SANBR: variants seen among roughly 807,000 people sequenced by gnomAD.
SANBR encodes SANT and BTB domain regulator of CSR.
In SANBR, 77 loss-of-function variants were observed where a neutral mutation model predicts 101.8. That is an observed-to-expected ratio of 0.76 (90% CI 0.63 to 0.91). The LOEUF (loss-of-function observed/expected upper bound fraction) is 0.91, where lower values mean the gene tolerates loss of function less well. Ranked by LOEUF, SANBR falls within the 40% of genes least tolerant of loss-of-function variation. The probability of loss-of-function intolerance (pLI) is 0.00; values close to 1 mark genes in which losing one functional copy is unlikely to be tolerated. For synonymous variants in SANBR, 279 were observed against 274.7 expected (o/e 1.02, Z -0.15); for missense variants, 875 against 853.0 (o/e 1.03, Z -0.32).
Position 61,107,049 on chromosome 2 carries a change from C to A in SANBR, c.1611+387C>A, listed in dbSNP as rs555598097. On this transcript the variant is annotated intron_variant, in intron 14 of 21. Coordinates refer to ENST00000402291, the MANE Select transcript of SANBR (RefSeq NM_001129993.3). ...AAGTGTGGTGCCTTGTGCCTGTAGT[C>A]CAAGTTTTGCTGGGAGGCTGAGGTG... Among the ~76,000 whole-genome samples the A allele has an allele frequency of 4.0e-4, 61 of 151,826 alleles. 1 individual carries two copies. The highest frequency in any genetic ancestry group is 1.4e-3 in the African/African-American group (60 of 41,418).
At chr2:61,117,677 G>C in intron 19 of SANBR, 137 bp downstream of exon 19, 1 of 713,084 alleles carries the variant, frequency 1.4e-6, no homozygotes, top group Non-Finnish European at 2.4e-6. Context: ...TATTCCCTTA[G>C]GCAACAACCA....
intron 1 of SANBR, among the ~76,000 whole-genome samples, chr2:61,066,744 T>C (rs1334290902): frequency 6.6e-6 from 1 of 152,228 alleles, no homozygotes; most frequent in African/African-American, 2.4e-5. Context: ...GAAAAAAATA[T>C]ATCAGATTCC....
In SANBR at chr2:61,099,502, C is replaced by T. The variant is rs181576301; in HGVS notation, c.1365+1650C>T. On this transcript the variant is annotated intron_variant, in intron 12 of 21. Coordinates refer to ENST00000402291, the MANE Select transcript of SANBR (RefSeq NM_001129993.3). ...CATTCACTGAAGAGGAAGCAGCAGA[C>T]GGAAATCAGGTTTCGAGGGAGACTC... 1.9e-3 allele frequency among the ~76,000 whole-genome samples: 287 copies of T among 152,220 alleles called. 9 individuals carry two copies. Among genetic ancestry groups the T allele is most frequent in the Admixed American group, 1.3e-3 (20 of 15,274 alleles).
At position 61,111,086 on chromosome 2, in the gene SANBR, C is replaced by G. The variant is rs956028014; in HGVS notation, c.1744+1790C>G. Reference sequence around the variant, plus strand: ...TTGAGTAGGCATGTTAAACAACCCTCCAATGACATTGAAAAAACATGCTGC... The same window carrying G: ...TTGAGTAGGCATGTTAAACAACCCTGCAATGACATTGAAAAAACATGCTGC... On this transcript the variant is annotated intron_variant, in intron 16 of 21. Coordinates refer to ENST00000402291, the MANE Select transcript of SANBR (RefSeq NM_001129993.3). Among the ~76,000 whole-genome samples the G allele has an allele frequency of 3.9e-5, 6 of 152,082 alleles. No individual in the cohort carries two copies. In the East Asian group the frequency reaches 1.2e-3, roughly 29 times the overall value.
chr2:61,088,494 T>A (rs551175457), intron 10 of SANBR, 26 bp downstream of exon 10: 7 of 1,310,626 alleles, frequency 5.3e-6, no homozygotes, highest in Non-Finnish European at 7.4e-6. Flanking sequence ...AATACATACA[T>A]GTATTTTTGT....
rs1684154254 is a variant in SANBR, at chr2:61,117,975, A to T, written c.1940-53A>T. ...GATTACAGTCTTTTTGAGAAATAAA[A>T]AGTTATATATCATCCTTATGAAAAG... is the stretch of plus-strand genomic sequence containing the variant. On this transcript the variant is annotated intron_variant, in intron 19 of 21. Transcript: ENST00000402291. 8.9e-6 allele frequency: 12 copies of T among 1,343,258 alleles called. No individual in the cohort carries two copies. In the South Asian group the frequency reaches 1.5e-4, roughly 17 times the overall value. 83.2% of individuals were successfully genotyped at this position (1,343,258 alleles called of 1,614,324 possible).
At chr2:61,094,743 A>G (rs1248509977) in intron 11 of SANBR, among the ~76,000 whole-genome samples, 1 of 147,096 alleles carries the variant, frequency 6.8e-6, no homozygotes, top group East Asian at 2.0e-4. Flanking sequence ...TCCCAGGTTC[A>G]AGCGATTCTC....
At chr2:61,079,037 TA>T (rs538451616) in intron 6 of SANBR, among the ~76,000 whole-genome samples, 8 of 147,128 alleles carry the variant, frequency 5.4e-5, no homozygotes, top group Non-Finnish European at 9.0e-5. Flanking sequence ...AGACCCTTTC[TA>T]AAAAAAAAAG....
At chr2:61,120,455 G>A (rs963419616) in intron 20 of SANBR, among the ~76,000 whole-genome samples, 5 of 152,168 alleles carry the variant, frequency 3.3e-5, no homozygotes, top group Non-Finnish European at 4.4e-5. Flanking sequence ...AGCCAAGATC[G>A]TGCCACTGCA....
At chr2:61,067,880 C>G (rs1001565880) in intron 1 of SANBR, among the ~76,000 whole-genome samples, 1 of 152,180 alleles carries the variant, frequency 6.6e-6, no homozygotes, top group Non-Finnish European at 1.5e-5. Flanking sequence ...TTCAAGGATT[C>G]AAAACTAAAT....
intron 8 of SANBR, among the ~76,000 whole-genome samples, chr2:61,085,905 G>T (rs958527468): frequency 2.0e-5 from 3 of 152,102 alleles, no homozygotes; most frequent in African/African-American, 7.2e-5. Context: ...TTGTAGTGTT[G>T]TCTATTAAGT....
intron 16 of SANBR, among the ~76,000 whole-genome samples, chr2:61,111,341 C>T (rs927369545): frequency 6.6e-6 from 1 of 152,178 alleles, no homozygotes; most frequent in Admixed American, 6.5e-5. Flanking sequence ...TGCAGTGAGC[C>T]GAGATTGTGC....
chr2:61,106,488 G>A (rs1032458531), intron 13 of SANBR, 75 bp from the exon 14 acceptor site: 5 of 864,988 alleles, frequency 5.8e-6, no homozygotes, highest in African/African-American at 1.8e-5. Flanking sequence ...TGAAACATTT[G>A]TAATAAAAAG....
At chr2:61,100,366 A>G (rs1377127605) in intron 12 of SANBR, among the ~76,000 whole-genome samples, 3 of 152,166 alleles carry the variant, frequency 2.0e-5, no homozygotes, top group Non-Finnish European at 4.4e-5. Flanking sequence ...GGGCCTCCCA[A>G]AGTGCTGGAA....
At chr2:61,104,678 A>C (rs1219582235) in intron 13 of SANBR, among the ~76,000 whole-genome samples, 1 of 152,194 alleles carries the variant, frequency 6.6e-6, no homozygotes, top group East Asian at 1.9e-4. Flanking sequence ...TCTCTCCATG[A>C]GTATGAACTT....
At chr2:61,116,549 T>C (rs932815012) in intron 17 of SANBR, among the ~76,000 whole-genome samples, 1 of 152,108 alleles carries the variant, frequency 6.6e-6, no homozygotes, top group Non-Finnish European at 1.5e-5. Flanking sequence ...AATTCTTATT[T>C]CTCCATGCCT....
chr2:61,104,701 A>G (rs968459774), intron 13 of SANBR, among the ~76,000 whole-genome samples: 2 of 152,130 alleles, frequency 1.3e-5, no homozygotes, highest in Non-Finnish European at 2.9e-5. Context: ...CAAATTCAGT[A>G]ATTTCTGAAG....
rs1684407788 is a variant in SANBR, at chr2:61,123,341, T to C, written c.*1179T>C. ...GACAAAAGAGCAATTTCCATTGAAA[T>C]ATTGAAGTGTTACACTCAGTTTACA... On this transcript the variant is annotated 3_prime_UTR_variant, in exon 22 of 22. Coordinates refer to ENST00000402291, the MANE Select transcript of SANBR (RefSeq NM_001129993.3). 1 of 976,554 alleles carries C rather than the reference T, an allele frequency of 1.0e-6. No individual in the cohort carries two copies. The highest frequency in any genetic ancestry group is 4.7e-5 in the South Asian group (1 of 21,080). The allele number at this position is 976,554 out of a possible 1,614,324, so 60.5% of individuals were successfully genotyped here.
chr2:61,094,787 G>T (rs1682950133), intron 11 of SANBR, among the ~76,000 whole-genome samples: 1 of 151,944 alleles, frequency 6.6e-6, no homozygotes, highest in African/African-American at 2.4e-5. Context: ...GGGATTACTG[G>T]CATGCGCCAC....
Sources: allele counts gnomAD v4.1 joint callset (sites outside exome capture counted in the v4.1 genomes callset), GRCh38; gene constraint gnomAD v4.1.1; transcripts MANE v1.5; gene names NCBI Gene and HGNC (gene_info 2026-07-23, HGNC 2026-07-21).